URI1: variants seen among roughly 807,000 people sequenced by gnomAD.
The protein encoded by URI1 is unconventional prefoldin RPB5 interactor 1.
URI1 carries 39 observed loss-of-function variants against 60.2 expected under a neutral mutation model. The ratio of observed to expected loss-of-function variants is 0.65; its 90% confidence interval spans 0.50 to 0.85. URI1 has a LOEUF of 0.85. URI1 is among the 40% of genes least tolerant of loss of function. The pLI is 0.00. For synonymous variants in URI1, 251 were observed against 236.8 expected (o/e 1.06, Z -0.55); for missense variants, 691 against 665.9 (o/e 1.04, Z -0.42).
chr19:30,014,814 A>C (rs1311268036), intron 10 of URI1, 73 bp from the exon 11 acceptor site: 1 of 1,432,088 alleles, frequency 7.0e-7, no homozygotes, highest in Admixed American at 2.1e-5. Flanking sequence ...AGAATTGCCA[A>C]ATGAGTGAAT....
At chr19:29,939,287 T>C (rs1482520222), upstream of URI1, among the ~76,000 whole-genome samples, 2 of 140,736 alleles carry the variant, frequency 1.4e-5, no homozygotes, top group Non-Finnish European at 3.1e-5. Flanking sequence ...AATTTTTTTT[T>C]TTTTTTAGAC....
chr19:30,010,801 G>A (rs1223624900), intron 8 of URI1, among the ~76,000 whole-genome samples: 1 of 152,108 alleles, frequency 6.6e-6, no homozygotes, highest in Non-Finnish European at 1.5e-5. Flanking sequence ...ATGGGGTGAT[G>A]GGAAGTTTAT....
chr19:29,994,306 C>T (rs1179816756), intron 4 of URI1, among the ~76,000 whole-genome samples: 1 of 151,622 alleles, frequency 6.6e-6, no homozygotes, highest in Admixed American at 6.6e-5. Context: ...CTTTTCCTCC[C>T]CTCCCCTCCC....
chr19:29,994,055 CTG>C (rs1236465896), intron 4 of URI1, among the ~76,000 whole-genome samples: 1 of 146,452 alleles, frequency 6.8e-6, no homozygotes, highest in Admixed American at 6.7e-5. Context: ...TGAATAACCT[CTG>C]TGTGTATGTG....
intron 1 of URI1, chr19:29,956,571 C>T (rs939870828): frequency 2.6e-6 from 4 of 1,517,920 alleles, no homozygotes; most frequent in Admixed American, 1.7e-5. Flanking sequence ...ATTCATCTTT[C>T]TGGGCTTGAG....
chr19:29,971,710 A>C (rs980788238), intron 2 of URI1, among the ~76,000 whole-genome samples: 3 of 149,358 alleles, frequency 2.0e-5, no homozygotes, highest in African/African-American at 7.4e-5. Context: ...TTTAAGAGAG[A>C]GCATATCTAT....
rs746366977 is a variant in URI1, at chr19:30,011,248, T to C, written c.1178+12T>C. On this transcript the variant is annotated intron_variant, in intron 9 of 10. Transcript: ENST00000392271. ...GCAGACATTTACAGGTGGGAGGCGCTCACAGCTGCAGGGCAGTCTGCTGGG... is the reference window on the plus strand; with the variant it reads ...GCAGACATTTACAGGTGGGAGGCGCCCACAGCTGCAGGGCAGTCTGCTGGG... 6.3e-7 allele frequency: 1 copy of C among 1,593,692 alleles called. No individual in the cohort carries two copies. The highest frequency in any genetic ancestry group is 1.8e-5 in the Admixed American group (1 of 54,540).
At chr19:30,009,475 AT>A in intron 8 of URI1, 122 bp downstream of exon 8, 1 of 996,592 alleles carries the variant, frequency 1.0e-6, no homozygotes, top group South Asian at 1.7e-5. Flanking sequence ...CAGGAAAATC[AT>A]CTTTTGCCTC....
chr19:30,009,008 G>C lies in URI1; in HGVS notation c.690G>C (p.Lys230Asn). 6.2e-7 allele frequency: 1 copy of C among 1,605,084 alleles called. No homozygotes were observed. The highest frequency in any genetic ancestry group is 8.5e-7 in the Non-Finnish European group (1 of 1,174,400). ...TGTTAATTTTCTTCCTTGCTAGTAA[G>C]CCTGATACTGTGATTGCAAATGGAG... Reference protein sequence around the residue: ...QEELLGELDSKPDTVIANGED... With the variant: ...QEELLGELDSNPDTVIANGED... The change falls in exon 8 of 11, where the codon AAG becomes AAC. Residue 230 changes from lysine (K) to asparagine (N), a missense_variant. By Grantham distance (94) the Lys-to-Asn change is moderately conservative. Transcript: ENST00000392271.
intron 2 of URI1, among the ~76,000 whole-genome samples, chr19:29,984,466 C>T (rs1042442005): frequency 6.6e-6 from 1 of 152,036 alleles, no homozygotes; most frequent in African/African-American, 2.4e-5. Context: ...TCTTGAGTCC[C>T]TTCTTCTCTC....
At position 29,945,861 on chromosome 19, in the gene URI1, A is replaced by AT. The variant is rs751576072; in HGVS notation, c.117+3208dup. Among the ~76,000 whole-genome samples, 632 of 148,744 alleles carry AT rather than the reference A, an allele frequency of 4.2e-3. 6 individuals are homozygous for AT. Among genetic ancestry groups the AT allele is most frequent in the African/African-American group, 0.013 (546 of 40,812 alleles). ...CTAAAAGTTTGTAAAATTGGATGGGATTTTTTTTTTTCCAAAAAAAGCTAT... is the reference window on the plus strand; with the variant it reads ...CTAAAAGTTTGTAAAATTGGATGGGATTTTTTTTTTTTCCAAAAAAAGCTAT... On this transcript the variant is annotated intron_variant, in intron 1 of 10. Transcript: ENST00000392271.
chr19:30,009,013 A>T lies in URI1; in HGVS notation c.695A>T (p.Asp232Val), dbSNP rs548314725. The change falls in exon 8 of 11, where the codon GAT (aspartate) becomes GTT (valine). Residue 232 changes from aspartate to valine, a missense_variant. Coordinates refer to ENST00000392271, the MANE Select transcript of URI1 (RefSeq NM_003796.3). ...ELLGELDSKPDTVIANGEDTT... is the reference protein window; with the variant it reads ...ELLGELDSKPVTVIANGEDTT... ...ATTTTCTTCCTTGCTAGTAAGCCTGATACTGTGATTGCAAATGGAGAAGAT... is the reference window on the plus strand; with the variant it reads ...ATTTTCTTCCTTGCTAGTAAGCCTGTTACTGTGATTGCAAATGGAGAAGAT... 1.2e-6 allele frequency: 2 copies of T among 1,608,496 alleles called. No individual in the cohort carries two copies. The highest frequency in any genetic ancestry group is 2.7e-5 in the African/African-American group (2 of 74,956).
At chr19:29,944,232 T>C (rs1317178046) in intron 1 of URI1, among the ~76,000 whole-genome samples, 2 of 126,088 alleles carry the variant, frequency 1.6e-5, no homozygotes, top group South Asian at 2.5e-4. Flanking sequence ...TAGAAGACAT[T>C]AATGTATTTT....
intron 1 of URI1, among the ~76,000 whole-genome samples, chr19:29,934,261 G>A (rs1394369374): frequency 6.6e-6 from 1 of 151,970 alleles, no homozygotes; most frequent in Non-Finnish European, 1.5e-5. Flanking sequence ...GCTAGCTTTG[G>A]TTTTAGTTTA....
At chr19:29,994,361 C>T (rs1375140056) in intron 4 of URI1, among the ~76,000 whole-genome samples, 1 of 151,836 alleles carries the variant, frequency 6.6e-6, no homozygotes, top group African/African-American at 2.4e-5. Context: ...TAACCACCAT[C>T]CATCTCCAGA....
chr19:29,942,439 G>A lies in URI1; in HGVS notation c.-109G>A. ...GGGCGCGGCCTCCTGGGCGCGGGGC[G>A]CGCGGTGCCTGAGGGCGGGCGCGCG... On this transcript the variant is annotated 5_prime_UTR_variant, in exon 1 of 11. Coordinates refer to ENST00000392271, the MANE Select transcript of URI1 (RefSeq NM_003796.3). 1.0e-6 allele frequency: 1 copy of A among 988,700 alleles called. No individual in the cohort carries two copies. The highest frequency in any genetic ancestry group is 1.2e-6 in the Non-Finnish European group (1 of 832,860). 61.2% of individuals were successfully genotyped at this position (988,700 alleles called of 1,614,324 possible). A position where few individuals can be genotyped will look rare whatever the true frequency, so the allele number is the denominator to read the frequency against.
chr19:29,989,401 TTG>T (rs1401901081), intron 4 of URI1, among the ~76,000 whole-genome samples: 5 of 148,624 alleles, frequency 3.4e-5, no homozygotes, highest in Non-Finnish European at 7.4e-5. Flanking sequence ...GCGTGTGCCA[TTG>T]CACCTGGCCT....
chr19:30,008,993 C>G lies in URI1; in HGVS notation c.687-12C>G, dbSNP rs2055979284. On this transcript the variant is annotated splice_polypyrimidine_tract_variant and intron_variant, in intron 7 of 10. Coordinates refer to ENST00000392271, the MANE Select transcript of URI1 (RefSeq NM_003796.3). Reference sequence around the variant, plus strand: ...ATGTTTGTTTGATCTTGTTAATTTTCTTCCTTGCTAGTAAGCCTGATACTG... The same window carrying G: ...ATGTTTGTTTGATCTTGTTAATTTTGTTCCTTGCTAGTAAGCCTGATACTG... 1 of 1,558,556 alleles carries G rather than the reference C, an allele frequency of 6.4e-7. No homozygotes were observed. Among genetic ancestry groups the G allele is most frequent in the East Asian group, 2.3e-5 (1 of 43,854 alleles).
intron 2 of URI1, 126 bp from the exon 3 acceptor site, chr19:29,985,097 G>A: frequency 1.2e-6 from 1 of 819,924 alleles, no homozygotes; most frequent in Non-Finnish European, 1.8e-6. Context: ...TTTAGCCTGG[G>A]CGACGGAGCG....
Sources: allele counts gnomAD v4.1 joint callset (sites outside exome capture counted in the v4.1 genomes callset), GRCh38; gene constraint gnomAD v4.1.1; transcripts MANE v1.5; gene names NCBI Gene and HGNC (gene_info 2026-07-23, HGNC 2026-07-21).